Variants in LCOR observed in about 807,000 individuals in gnomAD.
LCOR encodes the protein ligand-dependent corepressor.
In LCOR, 14 loss-of-function variants were observed where a neutral mutation model predicts 64.4. The ratio of observed to expected loss-of-function variants is 0.22; its 90% confidence interval spans 0.14 to 0.34. The LOEUF is 0.34. LCOR is among the 10% of genes least tolerant of loss of function. The probability of loss-of-function intolerance (pLI) is 1.00; values close to 1 mark genes in which losing one functional copy is unlikely to be tolerated. For missense variants in LCOR, 1,686 were observed against 1,765.3 expected (o/e 0.96, Z 0.80); for synonymous variants, 643 against 642.5 (o/e 1.00, Z -0.01).
At chr10:96,943,199 G>A (rs1847527066) in intron 4 of LCOR, among the ~76,000 whole-genome samples, 1 of 152,172 alleles carries the variant, frequency 6.6e-6, no homozygotes, top group Admixed American at 6.5e-5. Flanking sequence ...GGGTTCAAGC[G>A]ATTCTCATGC....
rs140718610 is a variant in LCOR, at chr10:96,868,227, G to A, written c.-330+34748G>A. The stretch of plus-strand genomic sequence containing the variant: ...GGGATGGATGTCCTAATAATATTGA[G>A]TTTTCCAGTATGCCATAAGGAGTGA... On this transcript the variant is annotated intron_variant, in intron 2 of 7. Coordinates refer to ENST00000421806, the MANE Select transcript of LCOR (RefSeq NM_001346516.2). Among the ~76,000 whole-genome samples, 491 of 150,768 alleles carry A rather than the reference G, an allele frequency of 3.3e-3. 1 individual carries two copies. The highest frequency in any genetic ancestry group is 5.5e-3 in the Non-Finnish European group (373 of 67,652).
chr10:96,871,918 A>G (rs1185406735), intron 2 of LCOR, among the ~76,000 whole-genome samples: 1 of 152,372 alleles, frequency 6.6e-6, no homozygotes, highest in East Asian at 1.9e-4. Flanking sequence ...AAGTCACAAT[A>G]TCTGCCACTT....
intron 2 of LCOR, among the ~76,000 whole-genome samples, chr10:96,888,363 CAAAAAAAAA>C (rs61076542): frequency 1.5e-3 from 47 of 30,540 alleles, no homozygotes; most frequent in South Asian, 3.8e-3. Context: ...GACTCCGTCT[CAAAAAAAAA>C]AAAAAAAAAA....
chr10:96,866,015 G>A (rs976088721), intron 2 of LCOR, among the ~76,000 whole-genome samples: 1 of 152,038 alleles, frequency 6.6e-6, no homozygotes, highest in African/African-American at 2.4e-5. Flanking sequence ...TGCATCTGGA[G>A]TTCATATAAA....
intron 2 of LCOR, among the ~76,000 whole-genome samples, chr10:96,869,149 C>T (rs1029736508): frequency 6.6e-6 from 1 of 152,070 alleles, no homozygotes; most frequent in Non-Finnish European, 1.5e-5. Flanking sequence ...TCAAGTGATC[C>T]CCCCGCTTCG....
chr10:96,868,463 A>G (rs891023576), intron 2 of LCOR, among the ~76,000 whole-genome samples: 22 of 150,542 alleles, frequency 1.5e-4, no homozygotes, highest in Non-Finnish European at 2.2e-4. Flanking sequence ...TTTAGTAGAG[A>G]CGGGGTTTCA....
chr10:96,862,403 C>T (rs1845902182), intron 2 of LCOR, among the ~76,000 whole-genome samples: 1 of 152,072 alleles, frequency 6.6e-6, no homozygotes, highest in South Asian at 2.1e-4. Context: ...GTAGCTGGGA[C>T]TATAGGTATG....
intron 2 of LCOR, among the ~76,000 whole-genome samples, chr10:96,877,597 AATT>A (rs1564612653): frequency 3.9e-5 from 4 of 103,808 alleles, no homozygotes; most frequent in African/African-American, 1.5e-4. Context: ...CATTTTTCTG[AATT>A]TTTTTTTTTT....
At position 96,989,619 on chromosome 10, in the gene LCOR, G is replaced by A. The variant is rs1276702231; in HGVS notation, c.*4485G>A. 4 of 143,060 alleles carry A rather than the reference G, an allele frequency of 2.8e-5. No individual in the cohort carries two copies. Among genetic ancestry groups the A allele is most frequent in the Admixed American group, 1.4e-4 (2 of 14,332 alleles). 8.9% of individuals were successfully genotyped at this position (143,060 alleles called of 1,614,324 possible). ...TTAAAAAATTGGAGTTATAACCAGA[G>A]TATGACTGAAAAGCTATTATAGTCT... On this transcript the variant is annotated 3_prime_UTR_variant, in exon 8 of 8. Transcript: ENST00000421806.
intron 7 of LCOR, among the ~76,000 whole-genome samples, chr10:96,969,774 C>CTTTTTTTTTTTTTTTT (rs58881683): frequency 9.9e-4 from 123 of 124,108 alleles, no homozygotes; most frequent in African/African-American, 1.1e-3. Context: ...TTTTTTTTTT[C>CTTTTTTTTTTTTTTTT]TTTTTTTTTT....
intron 7 of LCOR, chr10:96,958,376 T>C: frequency 6.5e-7 from 1 of 1,530,338 alleles, no homozygotes; most frequent in South Asian, 1.2e-5. Context: ...GGAGTGATCA[T>C]TTTACTAACA....
intron 7 of LCOR, among the ~76,000 whole-genome samples, chr10:96,952,729 G>A (rs939343337): frequency 3.9e-5 from 6 of 152,132 alleles, no homozygotes; most frequent in African/African-American, 1.4e-4. Flanking sequence ...TACTTGCTCA[G>A]TTTTGATAAC....
At chr10:96,922,475 T>A (rs1847097676) in intron 4 of LCOR, among the ~76,000 whole-genome samples, 1 of 152,222 alleles carries the variant, frequency 6.6e-6, no homozygotes, top group South Asian at 2.1e-4. Flanking sequence ...TCAACCAGGC[T>A]TTATAATGCG....
Position 96,982,211 on chromosome 10 carries a change from C to G in LCOR, c.1751C>G (p.Pro584Arg). 1.2e-6 allele frequency: 2 copies of G among 1,614,122 alleles called. No homozygotes were observed. The highest frequency in any genetic ancestry group is 1.3e-5 in the African/African-American group (1 of 75,042). Residue 584 changes from proline to arginine, a missense_variant, in exon 8 of 8, where the codon CCT becomes CGT. Around this residue, in one of 3 missense-constraint regions of LCOR, gnomAD observed 1,293 missense variants for 1,410.4 expected, o/e 0.92. Transcript: ENST00000421806. The stretch of plus-strand genomic sequence containing the variant: ...GAGGAAGGAGGTGGAGACGTTTCAC[C>G]TCGAAAAGAACCTCAAGAGCCTGAG... ...SHEEGGGDVS[P>R]RKEPQEPEVC...
chr10:96,872,461 G>A (rs540109478), intron 2 of LCOR, among the ~76,000 whole-genome samples: 1 of 152,330 alleles, frequency 6.6e-6, no homozygotes, highest in African/African-American at 2.4e-5. Context: ...GGGAGGCCGA[G>A]GTGGGTGGAT....
intron 6 of LCOR, among the ~76,000 whole-genome samples, chr10:96,950,008 G>A (rs1297317620): frequency 6.6e-6 from 1 of 152,094 alleles, no homozygotes; most frequent in East Asian, 1.9e-4. Flanking sequence ...TATTCCTGTT[G>A]CTTTGTGATC....
intron 4 of LCOR, among the ~76,000 whole-genome samples, chr10:96,917,695 T>A (rs1170741895): frequency 6.6e-6 from 1 of 152,122 alleles, no homozygotes; most frequent in Non-Finnish European, 1.5e-5. Flanking sequence ...TTATAATAAT[T>A]CACAAAATGA....
intron 7 of LCOR, among the ~76,000 whole-genome samples, chr10:96,965,438 G>A (rs1297600001): frequency 6.6e-6 from 1 of 150,560 alleles, no homozygotes; most frequent in African/African-American, 2.4e-5. Flanking sequence ...CGAGGCGAGC[G>A]GATCACGAGG....
chr10:96,972,969 A>G (rs904985647), intron 7 of LCOR, among the ~76,000 whole-genome samples: 3 of 152,196 alleles, frequency 2.0e-5, no homozygotes, highest in Non-Finnish European at 4.4e-5. Flanking sequence ...GCCATTAGCA[A>G]TGGTGTCACT....
Sources: gnomAD v4.1 joint callset for allele counts (sites outside exome capture counted in the v4.1 genomes callset) on GRCh38, gnomAD v4.1.1 for gene constraint, gnomAD v4.1.1 regional missense constraint, MANE v1.5 for transcripts, NCBI Gene and HGNC (gene_info 2026-07-23, HGNC 2026-07-21) for gene names.